OPRM1: variants seen among roughly 807,000 people sequenced by gnomAD.
OPRM1 encodes opioid receptor mu 1.
Under a neutral mutation model 31.8 loss-of-function variants are expected in OPRM1, and 27 were observed. That is an observed-to-expected ratio of 0.85 (90% CI 0.63 to 1.17). OPRM1 has a LOEUF of 1.17. Ranked by LOEUF, OPRM1 falls within the 50% of genes most tolerant of loss-of-function variation. The probability of loss-of-function intolerance (pLI) is 0.00; values close to 1 mark genes in which losing one functional copy is unlikely to be tolerated. For missense variants in OPRM1, 536 were observed against 511.1 expected (o/e 1.05, Z -0.47); for synonymous variants, 196 against 189.9 (o/e 1.03, Z -0.26).
intron 3 of OPRM1, among the ~76,000 whole-genome samples, chr6:154,173,614 A>T (rs1261235784): frequency 6.6e-6 from 1 of 152,182 alleles, no homozygotes; most frequent in Non-Finnish European, 1.5e-5. Context: ...AGAAGACAAG[A>T]TTATAGAAAA....
intron 3 of OPRM1, among the ~76,000 whole-genome samples, chr6:154,141,590 C>T (rs1798213043): frequency 6.6e-6 from 1 of 152,154 alleles, no homozygotes; most frequent in Admixed American, 6.6e-5. Flanking sequence ...CCAAGGTGGT[C>T]AGAGCACAGT....
chr6:154,039,720 GCCCTCCGACCGGCAGT>G lies in OPRM1; in HGVS notation c.183_198del (p.Thr62Ter). The G allele has an allele frequency of 6.2e-7, 1 of 1,612,172 alleles. No individual in the cohort carries two copies. Among genetic ancestry groups the G allele is most frequent in the Non-Finnish European group, 8.5e-7 (1 of 1,180,014 alleles). On this transcript the variant is annotated frameshift_variant, in exon 1 of 4. Coordinates refer to ENST00000330432, the MANE Select transcript of OPRM1 (RefSeq NM_000914.5). LOFTEE classifies it high-confidence loss of function. ...GACCTGGGCGGGAGAGACAGCCTGT[GCCCTCCGACCGGCAGT>G]CCCTCCATGATCACGGCCATCACGA... is the stretch of plus-strand genomic sequence containing the variant.
At chr6:154,176,922 A>G (rs1239860130) in intron 3 of OPRM1, among the ~76,000 whole-genome samples, 1 of 152,154 alleles carries the variant, frequency 6.6e-6, no homozygotes, top group Non-Finnish European at 1.5e-5. Context: ...AAACAGCATG[A>G]CACTGGTACT....
intron 1 of OPRM1, among the ~76,000 whole-genome samples, chr6:154,033,448 G>A (rs1306193510): frequency 6.6e-6 from 1 of 152,152 alleles, no homozygotes; most frequent in African/African-American, 2.4e-5. Flanking sequence ...ATGTGCAAGG[G>A]TTTGAAAGTG....
At chr6:154,171,481 T>G (rs1799865862) in intron 3 of OPRM1, among the ~76,000 whole-genome samples, 1 of 150,508 alleles carries the variant, frequency 6.6e-6, no homozygotes, top group Non-Finnish European at 1.5e-5. Flanking sequence ...CAAGCAGGAG[T>G]GGAGAATGGC....
chr6:154,144,288 G>A (rs942095715), intron 3 of OPRM1, among the ~76,000 whole-genome samples: 2 of 152,152 alleles, frequency 1.3e-5, no homozygotes, highest in Non-Finnish European at 2.9e-5. Flanking sequence ...TGAGAAAATT[G>A]AAGAGAACAC....
chr6:154,143,459 A>G (rs1428443878), intron 3 of OPRM1, among the ~76,000 whole-genome samples: 1 of 152,252 alleles, frequency 6.6e-6, no homozygotes, highest in Admixed American at 6.5e-5. Context: ...TTTATTCTTC[A>G]TCAGGACAAG....
At chr6:154,045,635 C>T (rs943473022) in intron 1 of OPRM1, among the ~76,000 whole-genome samples, 8 of 152,210 alleles carry the variant, frequency 5.3e-5, no homozygotes, top group Admixed American at 3.3e-4. Flanking sequence ...TCCTTCACCT[C>T]GCCTTCTACC....
chr6:154,049,889 GT>G (rs1167691305), intron 1 of OPRM1, among the ~76,000 whole-genome samples: 1 of 152,136 alleles, frequency 6.6e-6, no homozygotes, highest in Non-Finnish European at 1.5e-5. Context: ...TTTCTAATGT[GT>G]TATTGAATTC....
intron 3 of OPRM1, among the ~76,000 whole-genome samples, chr6:154,178,394 T>C (rs1020762594): frequency 3.3e-5 from 5 of 152,200 alleles, no homozygotes; most frequent in African/African-American, 1.2e-4. Context: ...TATAATATAT[T>C]CCCTACATGA....
chr6:154,214,235 G>A, intron 3 of OPRM1: 1 of 1,608,394 alleles, frequency 6.2e-7, no homozygotes, highest in South Asian at 1.1e-5. Context: ...CTTTGTAGTG[G>A]ATTCCTGATG....
At chr6:154,161,495 G>T (rs1293782074) in intron 3 of OPRM1, among the ~76,000 whole-genome samples, 1 of 152,138 alleles carries the variant, frequency 6.6e-6, no homozygotes, top group East Asian at 1.9e-4. Context: ...TTACAGGCGT[G>T]AGCCACTGCA....
intron 3 of OPRM1, among the ~76,000 whole-genome samples, chr6:154,165,115 C>T (rs1318644313): frequency 6.6e-6 from 1 of 152,192 alleles, no homozygotes; most frequent in African/African-American, 2.4e-5. Flanking sequence ...AAAACATAAA[C>T]ATTTCCTCTG....
At chr6:154,183,231 G>A (rs527373604) in intron 3 of OPRM1, among the ~76,000 whole-genome samples, 69 of 152,026 alleles carry the variant, frequency 4.5e-4, no homozygotes, top group Middle Eastern at 3.4e-3. Flanking sequence ...TGCCCATCTT[G>A]GCCTCCCAAA....
chr6:154,152,334 AG>A (rs780037251), intron 3 of OPRM1, among the ~76,000 whole-genome samples: 5 of 26,632 alleles, frequency 1.9e-4, no homozygotes, highest in South Asian at 1.4e-3. Flanking sequence ...AAAGAAAGAA[AG>A]AAAGAAAGAA....
At chr6:154,238,597 C>G (rs1369396967) in intron 3 of OPRM1, among the ~76,000 whole-genome samples, 1 of 152,112 alleles carries the variant, frequency 6.6e-6, no homozygotes, top group Non-Finnish European at 1.5e-5. Flanking sequence ...ATTTATTTCT[C>G]TCTGTGTGTT....
chr6:154,045,223 TCAAA>T (rs1780886989), intron 1 of OPRM1, among the ~76,000 whole-genome samples: 1 of 151,368 alleles, frequency 6.6e-6, no homozygotes, highest in Non-Finnish European at 1.5e-5. Context: ...GGACTCCGAC[TCAAA>T]CAAAAAAAAT....
At position 154,123,374 on chromosome 6, in the gene OPRM1, C is replaced by T. The variant is rs964453414; in HGVS notation, c.*4653C>T. Among the ~76,000 whole-genome samples the T allele has an allele frequency of 1.1e-4, 16 of 152,208 alleles. No homozygotes were observed. The highest frequency in any genetic ancestry group is 1.9e-4 in the Non-Finnish European group (13 of 68,044). ...CAAAAGGCTTCTATGCTGGGCCTTA[C>T]TTTCTAACAGTGCAGCAGTTATAGT... On this transcript the variant is annotated 3_prime_UTR_variant, in exon 4 of 4. Coordinates refer to ENST00000330432, the MANE Select transcript of OPRM1 (RefSeq NM_000914.5).
chr6:154,101,974 C>A (rs1271561564), intron 3 of OPRM1, among the ~76,000 whole-genome samples: 1 of 152,088 alleles, frequency 6.6e-6, no homozygotes, highest in Non-Finnish European at 1.5e-5. Flanking sequence ...GGATTTAGCT[C>A]TGCTGTCCAA....
Sources: gnomAD v4.1 joint callset for allele counts (sites outside exome capture counted in the v4.1 genomes callset) on GRCh38, gnomAD v4.1.1 for gene constraint, MANE v1.5 for transcripts, NCBI Gene and HGNC (gene_info 2026-07-23, HGNC 2026-07-21) for gene names.